PGCKA1: variants seen among roughly 807,000 people sequenced by gnomAD.
The protein encoded by PGCKA1 is PDCD10 and GCKIII kinases-associated protein 1.
the PGCKA1 span, among the ~76,000 whole-genome samples, chr4:37,463,810 C>CA: frequency 0.18 from 23,511 of 127,950 alleles, 2,009 homozygotes; most frequent in Admixed American, 0.24. Flanking sequence ...TTTATATAAC[C>CA]AAAAAAAAAA....
chr4:37,488,202 A>T, the PGCKA1 span, among the ~76,000 whole-genome samples: 1 of 152,202 alleles, frequency 6.6e-6, no homozygotes, highest in East Asian at 1.9e-4. Context: ...AGACAATAAT[A>T]GTTAATTTTT....
the PGCKA1 span, among the ~76,000 whole-genome samples, chr4:37,567,697 G>A: frequency 1.1e-4 from 16 of 151,590 alleles, 1 homozygote; most frequent in South Asian, 1.1e-3. Flanking sequence ...ACGACTATAC[G>A]CTCTCCCAGG....
chr4:37,487,991 GA>G, the PGCKA1 span, among the ~76,000 whole-genome samples: 1 of 152,084 alleles, frequency 6.6e-6, no homozygotes, highest in Non-Finnish European at 1.5e-5. Context: ...GGGCTATTAT[GA>G]ATAAAGCTAA....
At chr4:37,586,587 A>G in the PGCKA1 span, among the ~76,000 whole-genome samples, 1 of 152,198 alleles carries the variant, frequency 6.6e-6, no homozygotes, top group Non-Finnish European at 1.5e-5. Flanking sequence ...GTGCTGCTGC[A>G]GCAAATTACT....
chr4:37,508,207 T>G, the PGCKA1 span, among the ~76,000 whole-genome samples: 24 of 152,264 alleles, frequency 1.6e-4, no homozygotes, highest in South Asian at 5.0e-3. Flanking sequence ...TTGGGGTAAG[T>G]CTTCTTGGCA....
At chr4:37,534,964 A>G in the PGCKA1 span, among the ~76,000 whole-genome samples, 1 of 152,230 alleles carries the variant, frequency 6.6e-6, no homozygotes, top group African/African-American at 2.4e-5. Flanking sequence ...AATGCCTATC[A>G]TATACTAGGT....
At chr4:37,513,403 A>G in the PGCKA1 span, among the ~76,000 whole-genome samples, 1 of 152,308 alleles carries the variant, frequency 6.6e-6, no homozygotes, top group East Asian at 1.9e-4. Context: ...AGGTTCTGAC[A>G]TTGTTTAGTT....
chr4:37,562,754 A>T, the PGCKA1 span, among the ~76,000 whole-genome samples: 2 of 152,172 alleles, frequency 1.3e-5, no homozygotes, highest in Non-Finnish European at 2.9e-5. Context: ...TTAGTCATGT[A>T]TCTATATACT....
At chr4:37,481,266 C>A in the PGCKA1 span, among the ~76,000 whole-genome samples, 1 of 151,928 alleles carries the variant, frequency 6.6e-6, no homozygotes, top group African/African-American at 2.4e-5. Context: ...TCAAGACTAT[C>A]CTGGCCAACA....
At chr4:37,566,390 C>T in the PGCKA1 span, among the ~76,000 whole-genome samples, 1 of 151,554 alleles carries the variant, frequency 6.6e-6, no homozygotes, top group African/African-American at 2.4e-5. Flanking sequence ...AAGTAATTCT[C>T]CCACCTCAGC....
chr4:37,527,466 C>T, the PGCKA1 span, among the ~76,000 whole-genome samples: 19 of 152,220 alleles, frequency 1.2e-4, no homozygotes, highest in African/African-American at 3.9e-4. Context: ...GGTGAACCAT[C>T]TCTTAACTTT....
chr4:37,537,358 G>A, the PGCKA1 span, among the ~76,000 whole-genome samples: 1 of 152,184 alleles, frequency 6.6e-6, no homozygotes, highest in East Asian at 1.9e-4. Context: ...CTTTGTGCTT[G>A]TGTTTGAGGC....
the PGCKA1 span, chr4:37,590,194 A>G: frequency 6.2e-7 from 1 of 1,614,150 alleles, no homozygotes; most frequent in African/African-American, 1.3e-5. Context: ...CAAATGGAGC[A>G]GTGAAGTCTT....
the PGCKA1 span, among the ~76,000 whole-genome samples, chr4:37,568,821 G>A: frequency 6.6e-6 from 1 of 152,194 alleles, no homozygotes; most frequent in Non-Finnish European, 1.5e-5. Flanking sequence ...CGTTTAGATT[G>A]TTAAATTTCA....
At chr4:37,576,968 G>T in the PGCKA1 span, among the ~76,000 whole-genome samples, 4 of 152,070 alleles carry the variant, frequency 2.6e-5, no homozygotes, top group African/African-American at 9.7e-5. Flanking sequence ...TTAATGTGTT[G>T]TTGAATTTGG....
chr4:37,531,750 G>A, the PGCKA1 span, among the ~76,000 whole-genome samples: 1 of 151,330 alleles, frequency 6.6e-6, no homozygotes, highest in Non-Finnish European at 1.5e-5. Flanking sequence ...AAATTAGCCG[G>A]GCGTGGTGGT....
the PGCKA1 span, among the ~76,000 whole-genome samples, chr4:37,476,800 T>TA: frequency 6.6e-6 from 1 of 152,254 alleles, no homozygotes; most frequent in South Asian, 2.1e-4. Context: ...AATAATGAAT[T>TA]TTTGAAAATT....
the PGCKA1 span, among the ~76,000 whole-genome samples, chr4:37,505,098 A>G: frequency 6.6e-6 from 1 of 152,196 alleles, no homozygotes; most frequent in Non-Finnish European, 1.5e-5. Context: ...CATTCCCTCA[A>G]TACCCAGTTT....
At chr4:37,485,246 T>G in the PGCKA1 span, among the ~76,000 whole-genome samples, 2 of 152,196 alleles carry the variant, frequency 1.3e-5, no homozygotes, top group Admixed American at 1.3e-4. Context: ...ATGGTTTGCA[T>G]GTGTCCCCCA....
Sources: allele counts gnomAD v4.1 joint callset (sites outside exome capture counted in the v4.1 genomes callset), GRCh38; gene constraint gnomAD v4.1.1; transcripts MANE v1.5; gene names NCBI Gene and HGNC (gene_info 2026-07-23, HGNC 2026-07-21).